The following ACSM3 variants were observed in gnomAD, a reference collection of about 807,000 sequenced individuals.
The protein encoded by ACSM3 is acyl-CoA synthetase medium chain family member 3.
Under a neutral mutation model 74.1 loss-of-function variants are expected in ACSM3, and 61 were observed. The observed-to-expected ratio is 0.82, with a 90% CI of 0.67 to 1.02. The LOEUF is 1.02. Among genes scored for constraint, ACSM3 ranks in the 50% least tolerant of loss-of-function variants. The probability of loss-of-function intolerance (pLI) is 0.00; values close to 1 mark genes in which losing one functional copy is unlikely to be tolerated. For synonymous variants in ACSM3, 213 were observed against 241.5 expected (o/e 0.88, Z 1.09); for missense variants, 660 against 697.0 (o/e 0.95, Z 0.60).
intron 1 of ACSM3, among the ~76,000 whole-genome samples, chr16:20,733,286 G>A (rs1480873396): frequency 6.6e-6 from 1 of 152,070 alleles, no homozygotes; most frequent in African/African-American, 2.4e-5. Context: ...TCTATCTTGT[G>A]CCTGATTAAT....
chr16:20,712,115 T>A (rs1437071057), intron 1 of ACSM3, among the ~76,000 whole-genome samples: 1 of 152,132 alleles, frequency 6.6e-6, no homozygotes, highest in Non-Finnish European at 1.5e-5. Flanking sequence ...TACCCCAGCC[T>A]CGCAAGTAGC....
In ACSM3 at chr16:20,775,921, G is replaced by A. The variant is rs2229242; in HGVS notation, c.302G>A (p.Gly101Glu). The A allele has an allele frequency of 2.3e-5, 37 of 1,614,028 alleles. No individual in the cohort carries two copies. The highest frequency in any genetic ancestry group is 2.7e-5 in the Non-Finnish European group (32 of 1,180,038). ...EEMRWSFEELGSLSRKFANIL... is the reference protein window; with the variant it reads ...EEMRWSFEELESLSRKFANIL... ...ATGCGATGGAGTTTTGAGGAACTGG[G>A]ATCTCTGTCCAGAAAATTTGCCAAT... The change falls in exon 3 of 14, where the codon GGA becomes GAA. Residue 101 changes from glycine (G) to glutamate (E), a missense_variant. Physicochemically the swap from Gly to Glu is moderately conservative, Grantham distance 98. Transcript: ENST00000289416.
chr16:20,769,887 T>C (rs2080170150), intron 1 of ACSM3, 97 bp from the exon 2 acceptor site: 4 of 673,798 alleles, frequency 5.9e-6, no homozygotes, highest in Non-Finnish European at 7.7e-6. Context: ...GGTACTATCA[T>C]GATGATTATC....
At chr16:20,706,753 C>G (rs1421678179) in intron 1 of ACSM3, among the ~76,000 whole-genome samples, 2 of 152,176 alleles carry the variant, frequency 1.3e-5, no homozygotes, top group South Asian at 2.1e-4. Flanking sequence ...AAGACAGGCC[C>G]ACTGAACTTG....
chr16:20,698,245 G>A (rs995965835), intron 1 of ACSM3, among the ~76,000 whole-genome samples: 5 of 151,036 alleles, frequency 3.3e-5, no homozygotes, highest in South Asian at 2.1e-4. Context: ...CTCCAATTCC[G>A]GTGGCATGGC....
chr16:20,778,993 T>C (rs11642081), intron 4 of ACSM3, among the ~76,000 whole-genome samples: 20,212 of 152,178 alleles, frequency 0.13, 1,402 homozygotes, highest in East Asian at 0.21. Flanking sequence ...CTTCATGATC[T>C]GCCCGTCTCA....
intron 1 of ACSM3, among the ~76,000 whole-genome samples, chr16:20,701,167 C>T (rs527946094): frequency 6.6e-5 from 10 of 152,060 alleles, no homozygotes; most frequent in Non-Finnish European, 1.3e-4. Context: ...TACAAAGTCA[C>T]GGAGGCTACA....
chr16:20,686,951 A>G (rs1191188635), intron 1 of ACSM3, among the ~76,000 whole-genome samples: 1 of 151,802 alleles, frequency 6.6e-6, no homozygotes, highest in Non-Finnish European at 1.5e-5. Context: ...TGAAAAAGCC[A>G]TACTCAAAAT....
intron 1 of ACSM3, chr16:20,711,610 G>T: frequency 1.8e-6 from 2 of 1,138,536 alleles, no homozygotes; most frequent in Non-Finnish European, 1.3e-6. Context: ...GGAGTGTCCT[G>T]ACTTTAAGAC....
chr16:20,693,401 T>C (rs1022895412), intron 1 of ACSM3, among the ~76,000 whole-genome samples: 5 of 152,160 alleles, frequency 3.3e-5, no homozygotes, highest in African/African-American at 1.2e-4. Flanking sequence ...TGAAGTTTGA[T>C]TGGAAAAAAT....
chr16:20,760,967 T>C (rs1336885250), upstream of ACSM3, among the ~76,000 whole-genome samples: 3 of 152,238 alleles, frequency 2.0e-5, no homozygotes, highest in Non-Finnish European at 2.9e-5. Context: ...CTGATTTCAA[T>C]TCTTCAGCCA....
At chr16:20,782,939 C>A (rs1367410892) in intron 7 of ACSM3, among the ~76,000 whole-genome samples, 2 of 152,354 alleles carry the variant, frequency 1.3e-5, no homozygotes, top group East Asian at 3.9e-4. Context: ...GGTGCACTAC[C>A]TTTCCGGCAC....
chr16:20,710,314 T>C (rs2079740162), intron 1 of ACSM3, among the ~76,000 whole-genome samples: 2 of 152,108 alleles, frequency 1.3e-5, no homozygotes, highest in South Asian at 4.2e-4. Context: ...CTTAAAACAG[T>C]AGTCTCTAGG....
intron 1 of ACSM3, among the ~76,000 whole-genome samples, chr16:20,692,557 T>C (rs1030450774): frequency 8.5e-5 from 13 of 152,160 alleles, no homozygotes. Flanking sequence ...TTGTAAAATA[T>C]GTCTTAGACC....
At chr16:20,755,817 T>A (rs1477232870) in intron 3 of ACSM3, among the ~76,000 whole-genome samples, 3 of 118,190 alleles carry the variant, frequency 2.5e-5, no homozygotes, top group African/African-American at 6.5e-5. Flanking sequence ...CAGAGTGTGA[T>A]GTTCCCCTTC....
At chr16:20,751,910 T>C (rs2079991612) in intron 2 of ACSM3, among the ~76,000 whole-genome samples, 1 of 152,174 alleles carries the variant, frequency 6.6e-6, no homozygotes, top group Non-Finnish European at 1.5e-5. Context: ...TAACCTTCTG[T>C]CAGAATCACT....
At chr16:20,720,877 G>A (rs542834499) in intron 1 of ACSM3, 1 of 152,246 alleles carries the variant, frequency 6.6e-6, no homozygotes, top group South Asian at 2.1e-4. Flanking sequence ...TAAAAATGCT[G>A]ACTTACAGAT....
Position 20,785,048 on chromosome 16 carries a change from G to C in ACSM3, c.1084G>C (p.Glu362Gln), listed in dbSNP as rs1465534976. The change falls in exon 8 of 14, where the codon GAA becomes CAA. Residue 362 changes from glutamate (E) to glutamine (Q), a missense_variant. Physicochemically the swap from Glu to Gln is conservative, Grantham distance 29. Transcript: ENST00000289416. ...AGEPITPDVT[E>Q]KWRNKTGLDI... ...GGAACCAATTACCCCTGACGTGACT[G>C]AAAAATGGAGAAACAAGACGGGCCT... 1.2e-6 allele frequency: 2 copies of C among 1,613,548 alleles called. No homozygotes were observed. The highest frequency in any genetic ancestry group is 2.2e-5 in the South Asian group (2 of 91,072).
Position 20,737,565 on chromosome 16 carries a change from G to T in ACSM3, c.-189-12345G>T, listed in dbSNP as rs377477967. 48 of 869,882 alleles carry T rather than the reference G, an allele frequency of 5.5e-5. 1 individual carries two copies. The East Asian group carries it at 6.9e-4, about 13-fold the overall frequency. 53.9% of individuals were successfully genotyped at this position (869,882 alleles called of 1,614,324 possible). A position where few individuals can be genotyped will look rare whatever the true frequency, so the allele number is the denominator to read the frequency against. On this transcript the variant is annotated intron_variant, in intron 1 of 3. Coordinates refer to the ACSM3 transcript ENST00000561584. ...CATATCCGACATATTGAAATCAGTTGATTTAATACTATTTTAAGAACATTT... is the reference window on the plus strand; with the variant it reads ...CATATCCGACATATTGAAATCAGTTTATTTAATACTATTTTAAGAACATTT...
Sources: gnomAD v4.1 joint callset for allele counts (sites outside exome capture counted in the v4.1 genomes callset) on GRCh38, gnomAD v4.1.1 for gene constraint, MANE v1.5 for transcripts, NCBI Gene and HGNC (gene_info 2026-07-23, HGNC 2026-07-21) for gene names.